ESM1: variants seen among roughly 807,000 people sequenced by gnomAD.
The protein encoded by ESM1 is endothelial cell-specific molecule 1.
In ESM1, 7 loss-of-function variants were observed where a neutral mutation model predicts 14.9. The ratio of observed to expected loss-of-function variants is 0.47; its 90% confidence interval spans 0.27 to 0.88. ESM1 has a LOEUF of 0.88. Among genes scored for constraint, ESM1 ranks in the 40% least tolerant of loss-of-function variants. The pLI is 0.14. For synonymous variants in ESM1, 89 were observed against 89.4 expected (o/e 1.00, Z 0.02); for missense variants, 192 against 237.9 (o/e 0.81, Z 1.27).
At chr5:54,983,026 TATAGA>T (rs1299576722) in intron 1 of ESM1, among the ~76,000 whole-genome samples, 1 of 152,204 alleles carries the variant, frequency 6.6e-6, no homozygotes, top group Non-Finnish European at 1.5e-5. Context: ...GCAGAATAGA[TATAGA>T]ATATTCTCTT....
In ESM1 at chr5:54,985,333, C is replaced by G. The variant is rs1740513316; in HGVS notation, c.185G>C (p.Gly62Ala). The G allele has an allele frequency of 6.2e-7, 1 of 1,614,068 alleles. No homozygotes were observed. Among genetic ancestry groups the G allele is most frequent in the Admixed American group, 1.7e-5 (1 of 60,012 alleles). Residue 62 changes from glycine (G) to alanine (A), a missense_variant, in exon 1 of 3, where the codon GGA becomes GCA. Coordinates refer to ENST00000381405, the MANE Select transcript of ESM1 (RefSeq NM_007036.5). ...GCCRVCAAGR[G>A]ETCYRTVSGM... ...TGAGACTGTGCGGTAGCAAGTTTCTCCCCGCCCTGCAGCGCACACTCGGCA... is the reference window on the plus strand; with the variant it reads ...TGAGACTGTGCGGTAGCAAGTTTCTGCCCGCCCTGCAGCGCACACTCGGCA...
At chr5:54,981,646 A>G (rs1744053753) in intron 2 of ESM1, among the ~76,000 whole-genome samples, 1 of 152,248 alleles carries the variant, frequency 6.6e-6, no homozygotes, top group Admixed American at 6.5e-5. Context: ...AGTTTTGTCT[A>G]GTAAATATAT....
chr5:54,980,591 C>T (rs1744034986), intron 2 of ESM1, among the ~76,000 whole-genome samples: 2 of 152,156 alleles, frequency 1.3e-5, no homozygotes, highest in South Asian at 2.1e-4. Flanking sequence ...GCACCTTTAG[C>T]TAATGAAAGG....
rs768851686 is a variant in ESM1 at position 54,979,364 on chromosome 5, G to C, written c.523C>G (p.Pro175Ala). Reference sequence around the variant, plus strand: ...GGATTTAACCATTTCCTCATTACGGGAGACCCGGCAGCATTCTCTTTCACA... The same window carrying C: ...GGATTTAACCATTTCCTCATTACGGCAGACCCGGCAGCATTCTCTTTCACA... The part of the protein sequence containing the change: ...EVVKENAAGS[P>A]VMRKWLNPR Residue 175 changes from proline (P) to alanine (A), a missense_variant, in exon 3 of 3, where the codon CCC becomes GCC. By Grantham distance (27) the Pro-to-Ala change is conservative (BLOSUM62 -1). Coordinates refer to ENST00000381405, the MANE Select transcript of ESM1 (RefSeq NM_007036.5). 3 of 1,613,770 alleles carry C rather than the reference G, an allele frequency of 1.9e-6. No individual in the cohort carries two copies. Among genetic ancestry groups the C allele is most frequent in the Non-Finnish European group, 1.7e-6 (2 of 1,179,720 alleles).
intron 2 of ESM1, among the ~76,000 whole-genome samples, chr5:54,980,054 T>G (rs1744020705): frequency 6.6e-6 from 1 of 152,210 alleles, no homozygotes; most frequent in Non-Finnish European, 1.5e-5. Flanking sequence ...CATTCTGATG[T>G]GGAATGCTTT....
At chr5:54,981,617 G>A (rs936995772) in intron 2 of ESM1, among the ~76,000 whole-genome samples, 2 of 152,106 alleles carry the variant, frequency 1.3e-5, no homozygotes, top group African/African-American at 4.8e-5. Flanking sequence ...CTTTTTCTAT[G>A]TGAAGTTGGG....
rs2112245530 is a variant in ESM1, at chr5:54,979,080, A to G, written c.*252T>C. On this transcript the variant is annotated 3_prime_UTR_variant, in exon 3 of 3. Coordinates refer to ENST00000381405, the MANE Select transcript of ESM1 (RefSeq NM_007036.5). ...ACCTAAATTGCATTTTTAGTTCTTC[A>G]GTGTTACTATACACACACATTTAAC... 2.7e-6 allele frequency: 1 copy of G among 369,852 alleles called. No individual in the cohort carries two copies. The highest frequency in any genetic ancestry group is 4.9e-6 in the Non-Finnish European group (1 of 204,342). The allele number at this position is 369,852 out of a possible 1,614,324, so 22.9% of individuals were successfully genotyped here. A position where few individuals can be genotyped will look rare whatever the true frequency, so the allele number is the denominator to read the frequency against.
chr5:54,981,849 C>T, intron 2 of ESM1, 148 bp downstream of exon 2: 11 of 725,602 alleles, frequency 1.5e-5, no homozygotes, highest in Non-Finnish European at 2.3e-5. Context: ...AGCAACCAAA[C>T]TCAGCTACCA....
intron 2 of ESM1, among the ~76,000 whole-genome samples, chr5:54,981,422 G>A (rs748852383): frequency 2.6e-5 from 4 of 152,032 alleles, no homozygotes; most frequent in African/African-American, 9.7e-5. Context: ...CAAGCAGCAC[G>A]TATTACTACA....
At position 54,977,883 on chromosome 5, in the gene ESM1, T is replaced by C. The variant is rs976062761; in HGVS notation, c.*1449A>G. 1 of 152,212 alleles carries C rather than the reference T, an allele frequency of 6.6e-6. No homozygotes were observed. The highest frequency in any genetic ancestry group is 1.5e-5 in the Non-Finnish European group (1 of 68,032). The allele number at this position is 152,212 out of a possible 1,614,324, so 9.4% of individuals were successfully genotyped here. A position where few individuals can be genotyped will look rare whatever the true frequency, so the allele number is the denominator to read the frequency against. On this transcript the variant is annotated 3_prime_UTR_variant, in exon 3 of 3. Coordinates refer to ENST00000381405, the MANE Select transcript of ESM1 (RefSeq NM_007036.5). ...CAGAGAAGCTGTATCTTGTTCTTTT[T>C]TATTGAACAATAATAAACATGTCCT...
rs1289176340 is a variant in ESM1 at position 54,979,116 on chromosome 5, G to T, written c.*216C>A. The T allele has an allele frequency of 8.0e-6, 4 of 500,068 alleles. No homozygotes were observed. The highest frequency in any genetic ancestry group is 1.4e-5 in the Non-Finnish European group (4 of 279,932). The allele number at this position is 500,068 out of a possible 1,614,324, so 31.0% of individuals were successfully genotyped here. A position where few individuals can be genotyped will look rare whatever the true frequency, so the allele number is the denominator to read the frequency against. Reference sequence around the variant, plus strand: ...ACACACACATTTAACAAATCTACATGCATTCGAATATTTAACAAACACATA... The same window carrying T: ...ACACACACATTTAACAAATCTACATTCATTCGAATATTTAACAAACACATA... On this transcript the variant is annotated 3_prime_UTR_variant, in exon 3 of 3. Transcript: ENST00000381405.
rs1744003104 is a variant in ESM1, at chr5:54,979,279, G to C, written c.*53C>G. ...CTAGAAAGTTCCTAAAATGTTGGCTGTGTGTTGAACAATCACGAAAATAGA... is the reference window on the plus strand; with the variant it reads ...CTAGAAAGTTCCTAAAATGTTGGCTCTGTGTTGAACAATCACGAAAATAGA... On this transcript the variant is annotated 3_prime_UTR_variant, in exon 3 of 3. Transcript: ENST00000381405. 7.8e-7 allele frequency: 1 copy of C among 1,285,824 alleles called. No individual in the cohort carries two copies. The highest frequency in any genetic ancestry group is 1.1e-6 in the Non-Finnish European group (1 of 884,032). 79.7% of individuals were successfully genotyped at this position (1,285,824 alleles called of 1,614,324 possible).
rs1281720011 is a variant in ESM1, at chr5:54,985,197, G to A, written c.301+20C>T. The stretch of plus-strand genomic sequence containing the variant: ...TCTCAGCATGCCCCGGGAGGGGAGA[G>A]GTAAGGGGTCACTCTTTACCTTTGC... On this transcript the variant is annotated intron_variant, in intron 1 of 2. Coordinates refer to ENST00000381405, the MANE Select transcript of ESM1 (RefSeq NM_007036.5). 5.1e-6 allele frequency: 8 copies of A among 1,578,726 alleles called. No individual in the cohort carries two copies. The highest frequency in any genetic ancestry group is 1.3e-5 in the African/African-American group (1 of 74,378).
intron 2 of ESM1, among the ~76,000 whole-genome samples, chr5:54,980,657 T>C (rs2112247791): frequency 6.6e-6 from 1 of 152,340 alleles, no homozygotes; most frequent in African/African-American, 2.4e-5. Flanking sequence ...ATATTTCTGA[T>C]AAGAATCTCA....
chr5:54,985,045 A>G (rs1028963429), intron 1 of ESM1, among the ~76,000 whole-genome samples, 172 bp downstream of exon 1: 1 of 152,152 alleles, frequency 6.6e-6, no homozygotes, highest in Non-Finnish European at 1.5e-5. Context: ...TTCAGTTGCT[A>G]CTTGGAGCTA....
Position 54,982,028 on chromosome 5 carries a change from G to T in ESM1, c.420C>A (p.Thr140=). 1 of 1,614,126 alleles carries T rather than the reference G, an allele frequency of 6.2e-7. No homozygotes were observed. The highest frequency in any genetic ancestry group is 1.6e-4 in the Middle Eastern group (1 of 6,062). ...LKFPFFQYSV[T]KSSNRFVSLT... ...GAGAAACAAATCTGTTGGAAGACTT[G>T]GTTACTGAATATTGGAAGAAGGGGA... Residue 140 remains threonine (T), a synonymous_variant, in exon 2 of 3, where the codon ACC becomes ACA. Coordinates refer to ENST00000381405, the MANE Select transcript of ESM1 (RefSeq NM_007036.5).
Position 54,985,485 on chromosome 5 carries a change from G to T in ESM1, c.33C>A (p.Leu11=), listed in dbSNP as rs774418880. The stretch of plus-strand genomic sequence containing the variant: ...AGGCGGCCACCAGGTGTGCAGGCAC[G>T]AGGAGCGTGGTCAGCAGCAAGACGC... MKSVLLLTTL[L]VPAHLVAAWS... Residue 11 remains leucine, a synonymous_variant, in exon 1 of 3, where the codon CTC becomes CTA. Transcript: ENST00000381405. 6.2e-7 allele frequency: 1 copy of T among 1,604,542 alleles called. No homozygotes were observed. The highest frequency in any genetic ancestry group is 1.7e-5 in the Admixed American group (1 of 59,846).
chr5:54,982,308 T>C (rs1309213335), intron 1 of ESM1, among the ~76,000 whole-genome samples, 162 bp from the exon 2 acceptor site: 1 of 152,206 alleles, frequency 6.6e-6, no homozygotes, highest in Non-Finnish European at 1.5e-5. Context: ...GTTGAAACTT[T>C]GAGTCATAAA....
At position 54,979,390 on chromosome 5, in the gene ESM1, ACTT is replaced by A. The variant is rs576725927; in HGVS notation, c.494_496del (p.Glu165del). 8.7e-5 allele frequency: 140 copies of A among 1,613,776 alleles called. No individual in the cohort carries two copies. The highest frequency in any genetic ancestry group is 7.4e-4 in the South Asian group (67 of 91,064). ...AGACCCGGCAGCATTCTCTTTCACA[ACTT>A]CTTCTCTCACAATATTGCCATCTCC... On this transcript the variant is annotated inframe_deletion, in exon 3 of 3. Coordinates refer to ENST00000381405, the MANE Select transcript of ESM1 (RefSeq NM_007036.5).
Sources: gnomAD v4.1 joint callset for allele counts (sites outside exome capture counted in the v4.1 genomes callset) on GRCh38, gnomAD v4.1.1 for gene constraint, MANE v1.5 for transcripts, NCBI Gene and HGNC (gene_info 2026-07-23, HGNC 2026-07-21) for gene names.